EIF2B3: variants seen among roughly 807,000 people sequenced by gnomAD.
EIF2B3 encodes eukaryotic translation initiation factor 2B subunit gamma.
EIF2B3 carries 20 observed loss-of-function variants against 54.1 expected under a neutral mutation model. The observed-to-expected ratio is 0.37, with a 90% CI of 0.26 to 0.54. The LOEUF is 0.54. Ranked by LOEUF, EIF2B3 falls within the 20% of genes least tolerant of loss-of-function variation. The probability of loss-of-function intolerance (pLI) is 0.86; values close to 1 mark genes in which losing one functional copy is unlikely to be tolerated. For synonymous variants in EIF2B3, 153 were observed against 188.1 expected (o/e 0.81, Z 1.52); for missense variants, 448 against 547.8 (o/e 0.82, Z 1.82).
intron 3 of EIF2B3, among the ~76,000 whole-genome samples, chr1:44,968,415 CT>C: frequency 6.7e-6 from 1 of 148,802 alleles, no homozygotes; most frequent in African/African-American, 2.5e-5. Flanking sequence ...AAAGAACTTA[CT>C]ACATATCTAA....
chr1:44,913,435 A>G (rs1421830298), intron 5 of EIF2B3, among the ~76,000 whole-genome samples: 2 of 152,122 alleles, frequency 1.3e-5, no homozygotes, highest in East Asian at 3.9e-4. Flanking sequence ...GGAGAAAAAA[A>G]AGAATCCGAG....
chr1:44,875,200 AG>A (rs1655082467), intron 9 of EIF2B3, among the ~76,000 whole-genome samples: 1 of 152,312 alleles, frequency 6.6e-6, no homozygotes, highest in African/African-American at 2.4e-5. Flanking sequence ...TCAAAAAAAA[AG>A]AAAAAGAAAA....
At chr1:44,965,815 T>C (rs1644331623) in intron 3 of EIF2B3, among the ~76,000 whole-genome samples, 2 of 151,848 alleles carry the variant, frequency 1.3e-5, no homozygotes, top group South Asian at 4.2e-4. Context: ...AATTTTTGTA[T>C]TTTTAGTAGA....
At chr1:44,898,880 C>T (rs1023228247) in intron 5 of EIF2B3, among the ~76,000 whole-genome samples, 10 of 152,060 alleles carry the variant, frequency 6.6e-5, no homozygotes, top group African/African-American at 1.9e-4. Context: ...TTGGTAGAGA[C>T]AAGGTCTCGC....
chr1:44,949,032 C>A (rs1325919451), intron 3 of EIF2B3, among the ~76,000 whole-genome samples: 1 of 152,094 alleles, frequency 6.6e-6, no homozygotes, highest in African/African-American at 2.4e-5. Context: ...CCATGCCCAG[C>A]TAATTTTTAC....
chr1:44,960,016 T>G (rs1415963735), intron 3 of EIF2B3, among the ~76,000 whole-genome samples: 3 of 152,234 alleles, frequency 2.0e-5, no homozygotes, highest in African/African-American at 7.2e-5. Context: ...AAATGGTGGG[T>G]GATATGTGGC....
chr1:44,980,068 C>T (rs966204294), intron 2 of EIF2B3, among the ~76,000 whole-genome samples: 1 of 152,164 alleles, frequency 6.6e-6, no homozygotes, highest in Non-Finnish European at 1.5e-5. Context: ...AAGACTGGGC[C>T]TCAGGCTTTG....
At position 44,939,412 on chromosome 1, in the gene EIF2B3, GA is replaced by G. The variant is rs553500826; in HGVS notation, c.454+2093del. Among the ~76,000 whole-genome samples, 133 of 152,250 alleles carry G rather than the reference GA, an allele frequency of 8.7e-4. 1 individual carries two copies. The highest frequency in any genetic ancestry group is 3.0e-3 in the African/African-American group (123 of 41,550). On this transcript the variant is annotated intron_variant, in intron 4 of 11. Transcript: ENST00000360403. The stretch of plus-strand genomic sequence containing the variant: ...TTAAGCATGAAAACATTTAAAAATG[GA>G]TGGTAGGTAGCTAATAGTTACAGTT...
intron 6 of EIF2B3, among the ~76,000 whole-genome samples, chr1:44,891,021 T>C (rs894466957): frequency 7.9e-5 from 12 of 152,324 alleles, no homozygotes; most frequent in Admixed American, 6.5e-4. Flanking sequence ...CTGCTTTTAA[T>C]TGGTCTCTCT....
At chr1:44,961,156 C>T (rs1011560097) in intron 3 of EIF2B3, among the ~76,000 whole-genome samples, 8 of 151,166 alleles carry the variant, frequency 5.3e-5, no homozygotes, top group Non-Finnish European at 1.2e-4. Flanking sequence ...GACAACAAAG[C>T]AAGACCCCCT....
At chr1:44,974,473 T>TA (rs79071703) in intron 3 of EIF2B3, among the ~76,000 whole-genome samples, 1,951 of 117,158 alleles carry the variant, frequency 0.017, 21 homozygotes, top group Middle Eastern at 0.037. Context: ...GACCCTGGTC[T>TA]AAAAAAAAAA....
intron 11 of EIF2B3, among the ~76,000 whole-genome samples, chr1:44,855,837 G>A (rs1196570998): frequency 6.6e-6 from 1 of 152,160 alleles, no homozygotes; most frequent in Non-Finnish European, 1.5e-5. Flanking sequence ...GATTACAGGT[G>A]TGAGCCATCA....
intron 3 of EIF2B3, among the ~76,000 whole-genome samples, chr1:44,962,684 G>A (rs1400674219): frequency 6.6e-6 from 1 of 152,080 alleles, no homozygotes; most frequent in East Asian, 1.9e-4. Flanking sequence ...CAAAGTGCTG[G>A]GATTACAGGT....
At chr1:44,869,827 C>G (rs1654907522) in intron 10 of EIF2B3, among the ~76,000 whole-genome samples, 1 of 151,810 alleles carries the variant, frequency 6.6e-6, no homozygotes, top group Admixed American at 6.6e-5. Context: ...GTTTGGCAGT[C>G]TGACTCAAAG....
chr1:44,861,565 C>A (rs563428557), intron 10 of EIF2B3, among the ~76,000 whole-genome samples: 13 of 152,128 alleles, frequency 8.5e-5, no homozygotes, highest in Non-Finnish European at 1.6e-4. Flanking sequence ...AAGGAAGAGA[C>A]AAGAATAACT....
At chr1:44,981,333 G>A (rs1227488813) in intron 1 of EIF2B3, among the ~76,000 whole-genome samples, 156 bp from the exon 2 acceptor site, 1 of 152,148 alleles carries the variant, frequency 6.6e-6, no homozygotes, top group Non-Finnish European at 1.5e-5. Flanking sequence ...AAGCTTAGCT[G>A]CAGATAAACA....
chr1:44,981,957 A>AG (rs1275724935), intron 1 of EIF2B3, among the ~76,000 whole-genome samples: 1 of 151,228 alleles, frequency 6.6e-6, no homozygotes, highest in African/African-American at 2.4e-5. Context: ...AAAAAAAAAA[A>AG]AAAAGAGAGA....
chr1:44,950,686 TA>T (rs1201777572), intron 3 of EIF2B3, among the ~76,000 whole-genome samples: 2 of 152,114 alleles, frequency 1.3e-5, no homozygotes, highest in East Asian at 3.8e-4. Flanking sequence ...ATAAGGTGTT[TA>T]TTTATTTATT....
intron 5 of EIF2B3, among the ~76,000 whole-genome samples, chr1:44,912,395 GATT>G (rs1260029619): frequency 6.6e-6 from 1 of 152,102 alleles, no homozygotes; most frequent in Non-Finnish European, 1.5e-5. Context: ...ACTTCTGTCA[GATT>G]ATTTTTTTTC....
Sources: allele counts gnomAD v4.1 joint callset (sites outside exome capture counted in the v4.1 genomes callset), GRCh38; gene constraint gnomAD v4.1.1; transcripts MANE v1.5; gene names NCBI Gene and HGNC (gene_info 2026-07-23, HGNC 2026-07-21).